NLE1: variants seen among roughly 807,000 people sequenced by gnomAD.
NLE1 encodes the protein notchless protein homolog 1.
In NLE1, 37 loss-of-function variants were observed where a neutral mutation model predicts 62.8. That is an observed-to-expected ratio of 0.59 (90% confidence interval 0.45 to 0.78). The LOEUF is 0.78. Among genes scored for constraint, NLE1 ranks in the 30% least tolerant of loss-of-function variants. The probability of loss-of-function intolerance (pLI) is 0.00; values close to 1 mark genes in which losing one functional copy is unlikely to be tolerated. For synonymous variants in NLE1, 243 were observed against 253.0 expected (o/e 0.96, Z 0.37); for missense variants, 555 against 637.9 (o/e 0.87, Z 1.40).
Position 35,130,544 on chromosome 17 carries a change from C to A in NLE1, c.*1893G>T. The A allele has an allele frequency of 8.2e-7, 1 of 1,221,286 alleles. No individual in the cohort carries two copies. The highest frequency in any genetic ancestry group is 1.1e-6 in the Non-Finnish European group (1 of 885,804). The allele number at this position is 1,221,286 out of a possible 1,614,324, so 75.7% of individuals were successfully genotyped here. ...CACCAGCACCCTGCGGGCCCGGGGT[C>A]TGGCAGAGTGGTATGGGCACCCCAC... On this transcript the variant is annotated 3_prime_UTR_variant, in exon 13 of 13. Transcript: ENST00000442241.
At chr17:35,137,440 G>T (rs1222831620) in intron 6 of NLE1, 103 bp downstream of exon 6, 2 of 988,176 alleles carry the variant, frequency 2.0e-6, no homozygotes, top group Non-Finnish European at 3.0e-6. Flanking sequence ...CATTCAGGCT[G>T]CCCATCTTGT....
Position 35,132,440 on chromosome 17 carries a change from TCTC to T in NLE1, c.1452_1454del (p.Arg485del). ...TCAGAGAGAACTTCGGGCCGTCTCA[TCTC>T]CTCCATCTGTGGAGAAGGGAAGGGT... On this transcript the variant is annotated inframe_deletion, in exon 13 of 13. Coordinates refer to ENST00000442241, the MANE Select transcript of NLE1 (RefSeq NM_018096.5). 2 of 1,422,218 alleles carry T rather than the reference TCTC, an allele frequency of 1.4e-6. No individual in the cohort carries two copies. The highest frequency in any genetic ancestry group is 2.9e-5 in the Admixed American group (1 of 33,934). The allele number at this position is 1,422,218 out of a possible 1,614,324, so 88.1% of individuals were successfully genotyped here.
At chr17:35,138,007 C>T (rs1490566724) in intron 4 of NLE1, 117 bp from the exon 5 acceptor site, 3 of 716,600 alleles carry the variant, frequency 4.2e-6, no homozygotes, top group Non-Finnish European at 4.6e-6. Flanking sequence ...AATGATTGAA[C>T]AAAAGGAGCG....
chr17:35,135,564 G>T, intron 9 of NLE1, 113 bp from the exon 10 acceptor site: 1 of 917,500 alleles, frequency 1.1e-6, no homozygotes, highest in Non-Finnish European at 1.7e-6. Flanking sequence ...GACAGAGAGA[G>T]GCCAGCGCTA....
At chr17:35,137,477 G>C (rs569399812) in intron 6 of NLE1, 66 bp downstream of exon 6, 4 of 1,324,896 alleles carry the variant, frequency 3.0e-6, no homozygotes, top group South Asian at 1.2e-5. Context: ...TCTATGCATT[G>C]GGCAGGGAAA....
Position 35,129,437 on chromosome 17 carries a change from G to C in NLE1, c.*3000C>G, listed in dbSNP as rs889890231. The C allele has an allele frequency of 8.7e-6, 14 of 1,613,990 alleles. No homozygotes were observed. Among genetic ancestry groups the C allele is most frequent in the South Asian group, 3.3e-5 (3 of 91,062 alleles). On this transcript the variant is annotated 3_prime_UTR_variant, in exon 13 of 13. Coordinates refer to ENST00000442241, the MANE Select transcript of NLE1 (RefSeq NM_018096.5). ...CTTCCCCTAGATTTCCTGGACCTAC[G>C]CCTTGGGCAAGCAGCCGGTCAGTTT...
chr17:35,135,166 A>C, intron 10 of NLE1, 83 bp downstream of exon 10: 1 of 1,323,436 alleles, frequency 7.6e-7, no homozygotes, highest in South Asian at 1.2e-5. Flanking sequence ...ACACCTGCCA[A>C]GGCCATACAG....
chr17:35,137,438 C>T, intron 6 of NLE1, 105 bp downstream of exon 6: 1 of 977,024 alleles, frequency 1.0e-6, no homozygotes, highest in Non-Finnish European at 1.5e-6. Context: ...GTCATTCAGG[C>T]TGCCCATCTT....
intron 2 of NLE1, among the ~76,000 whole-genome samples, chr17:35,140,504 C>G (rs2091936645): frequency 6.6e-6 from 1 of 152,218 alleles, no homozygotes; most frequent in African/African-American, 2.4e-5. Context: ...GCTGGGATTA[C>G]AGGCGTGAGC....
chr17:35,139,585 G>C (rs979132604), intron 3 of NLE1, among the ~76,000 whole-genome samples: 1 of 152,204 alleles, frequency 6.6e-6, no homozygotes, highest in Non-Finnish European at 1.5e-5. Context: ...AACTCGGAAA[G>C]GTTAAGTGAT....
Position 35,135,265 on chromosome 17 carries a change from C to T in NLE1, c.1198G>A (p.Asp400Asn), listed in dbSNP as rs747814547. 1 of 1,614,060 alleles carries T rather than the reference C, an allele frequency of 6.2e-7. No homozygotes were observed. Among genetic ancestry groups the T allele is most frequent in the East Asian group, 2.2e-5 (1 of 44,894 alleles). ...ASFDKSIKLWDGRTGKYLASL... is the reference protein window; with the variant it reads ...ASFDKSIKLWNGRTGKYLASL... ...CCTACTCACTTGCCCGTCCTGCCATCCCACAGCTTGATGGACTTGTCAAAG... is the reference window on the plus strand; with the variant it reads ...CCTACTCACTTGCCCGTCCTGCCATTCCACAGCTTGATGGACTTGTCAAAG... Residue 400 changes from aspartate (D) to asparagine (N), a missense_variant, in exon 10 of 13, where the codon GAT (aspartate) becomes AAT (asparagine). Asp to Asn is a conservative substitution (Grantham distance 23). Coordinates refer to ENST00000442241, the MANE Select transcript of NLE1 (RefSeq NM_018096.5).
rs143570305 is a variant in NLE1 at position 35,132,280 on chromosome 17, C to T, written c.*157G>A. Reference sequence around the variant, plus strand: ...CAGGCGGGGATCTGTGGGAAAACCCCATTCCGGTCTATCGAGGACAGCAGG... The same window carrying T: ...CAGGCGGGGATCTGTGGGAAAACCCTATTCCGGTCTATCGAGGACAGCAGG... On this transcript the variant is annotated 3_prime_UTR_variant, in exon 13 of 13. Transcript: ENST00000442241. 8 of 524,884 alleles carry T rather than the reference C, an allele frequency of 1.5e-5. No individual in the cohort carries two copies. The highest frequency in any genetic ancestry group is 2.4e-5 in the Non-Finnish European group (8 of 326,838). 32.5% of individuals were successfully genotyped at this position (524,884 alleles called of 1,614,324 possible).
Position 35,136,411 on chromosome 17 carries a change from GGCCCCAGTGC to G in NLE1, c.905_914del (p.Arg302ProfsTer21). 6.2e-7 allele frequency: 1 copy of G among 1,614,160 alleles called. No individual in the cohort carries two copies. Among genetic ancestry groups the G allele is most frequent in the South Asian group, 1.1e-5 (1 of 91,082 alleles). ...TAACTGAGGCCTCAGCAGGTTCAAA[GGCCCCAGTGC>G]GCAGGGCATAGTCAGTGCTGAGGGC... On this transcript the variant is annotated frameshift_variant, in exon 8 of 13. Transcript: ENST00000442241. LOFTEE classifies it high-confidence loss of function.
intron 2 of NLE1, 125 bp from the exon 3 acceptor site, chr17:35,140,191 A>T (rs563149805): frequency 9.6e-7 from 1 of 1,036,388 alleles, no homozygotes; most frequent in South Asian, 1.6e-5. Flanking sequence ...TGCTAGGGAT[A>T]CCCCCATCAT....
intron 12 of NLE1, 124 bp downstream of exon 12, chr17:35,133,046 TC>T: frequency 1.1e-6 from 1 of 932,438 alleles, no homozygotes; most frequent in Non-Finnish European, 1.7e-6. Flanking sequence ...TCCACACGCC[TC>T]CTCAAGACAG....
chr17:35,141,963 C>G lies in NLE1; in HGVS notation c.162+16G>C. On this transcript the variant is annotated intron_variant, in intron 2 of 12. Transcript: ENST00000442241. ...CCGGGGGTGGAGATGCGAGGCCGCC[C>G]TGGCCAGCCACTTACCTGGGCCAGT... 1.9e-6 allele frequency: 3 copies of G among 1,560,644 alleles called. No homozygotes were observed. The highest frequency in any genetic ancestry group is 1.7e-6 in the Non-Finnish European group (2 of 1,152,784).
Position 35,142,120 on chromosome 17 carries a change from G to A in NLE1, c.21C>T (p.Asp7=), listed in dbSNP as rs955029476. The A allele has an allele frequency of 3.1e-6, 5 of 1,610,846 alleles. No individual in the cohort carries two copies. The highest frequency in any genetic ancestry group is 4.2e-6 in the Non-Finnish European group (5 of 1,179,188). ...GCTGCACATCGCGCGCCACCGCCTCGTCCTGCGCGAGCAAGTGGGGCGGGA... is the reference window on the plus strand; with the variant it reads ...GCTGCACATCGCGCGCCACCGCCTCATCCTGCGCGAGCAAGTGGGGCGGGA... The part of the protein sequence containing the change: MAAAVP[D]EAVARDVQRL... Residue 7 remains aspartate, a splice_region_variant and synonymous_variant, in exon 2 of 13, where the codon GAC becomes GAT. Coordinates refer to ENST00000442241, the MANE Select transcript of NLE1 (RefSeq NM_018096.5).
chr17:35,137,026 G>A lies in NLE1; in HGVS notation c.803C>T (p.Thr268Ile), dbSNP rs781173935. ...GLLYSASQDR[T>I]IKVWRAHDGV... ...GTCATGAGCTCTCCAGACTTTGATG[G>A]TGCGGTCCTGGGAGGCAGAGTAGAG... The change falls in exon 7 of 13, where the codon ACC becomes ATC. Residue 268 changes from threonine to isoleucine, a missense_variant. Physicochemically the swap from Thr to Ile is moderately conservative, Grantham distance 89. Coordinates refer to ENST00000442241, the MANE Select transcript of NLE1 (RefSeq NM_018096.5). The A allele has an allele frequency of 7.9e-5, 128 of 1,610,646 alleles. No individual in the cohort carries two copies. Among genetic ancestry groups the A allele is most frequent in the Admixed American group, 3.8e-4 (23 of 59,850 alleles).
Position 35,139,835 on chromosome 17 carries a change from G to A in NLE1, c.380+14C>T, listed in dbSNP as rs369053896. 9 of 1,609,198 alleles carry A rather than the reference G, an allele frequency of 5.6e-6. No individual in the cohort carries two copies. In the African/African-American group the frequency reaches 6.7e-5, roughly 12 times the overall value. On this transcript the variant is annotated intron_variant, in intron 3 of 12. Coordinates refer to ENST00000442241, the MANE Select transcript of NLE1 (RefSeq NM_018096.5). ...CCCCACATACCCCCTCCATGAGTCTGCAGCTGTCCTTACTTTCCCGTAGGG... is the reference window on the plus strand; with the variant it reads ...CCCCACATACCCCCTCCATGAGTCTACAGCTGTCCTTACTTTCCCGTAGGG...
Sources: allele counts gnomAD v4.1 joint callset (sites outside exome capture counted in the v4.1 genomes callset), GRCh38; gene constraint gnomAD v4.1.1; transcripts MANE v1.5; gene names NCBI Gene and HGNC (gene_info 2026-07-23, HGNC 2026-07-21).